The following CYP7A1 variants were observed in gnomAD, a reference collection of about 807,000 sequenced individuals.
CYP7A1 encodes the protein cytochrome P450 family 7 subfamily A member 1, also known as cytochrome P450 7A1.
A neutral mutation model predicts 43.8 loss-of-function variants in CYP7A1; 28 were observed. That is an observed-to-expected ratio of 0.64 (90% confidence interval 0.47 to 0.88). The LOEUF (loss-of-function observed/expected upper bound fraction) is 0.88, where lower values mean the gene tolerates loss of function less well. Among genes scored for constraint, CYP7A1 ranks in the 40% least tolerant of loss-of-function variants. The pLI, the probability that CYP7A1 is intolerant of heterozygous loss-of-function variation, is 0.00. For synonymous variants in CYP7A1, 227 were observed against 222.5 expected, an observed-to-expected ratio of 1.02 and a Z score of -0.18; for missense variants, 637 against 611.9, an observed-to-expected ratio of 1.04 and a Z score of -0.43.
intron 1 of CYP7A1, 106 bp from the exon 2 acceptor site, chr8:58,498,575 T>C: frequency 1.0e-5 from 12 of 1,183,462 alleles, no homozygotes; most frequent in African/African-American, 1.5e-5. Context: ...TGAAACCCTA[T>C]AGTTTATAGA....
Position 58,492,509 on chromosome 8 carries a change from C to G in CYP7A1, c.1059G>C (p.Ser353=). ...TGAGGGAGGCACTGGAAAGCCTCAG[C>G]GATTCCTTGATTATACTATCTAAAC... ...LPVLDSIIKE[S]LRLSSASLNI... is the part of the protein sequence containing the mutation. Residue 353 remains serine (S), a synonymous_variant, in exon 5 of 6, where the codon TCG becomes TCC. Coordinates refer to ENST00000301645, the MANE Select transcript of CYP7A1 (RefSeq NM_000780.4). 2 of 1,612,830 alleles carry G rather than the reference C, an allele frequency of 1.2e-6. No individual in the cohort carries two copies. The highest frequency in any genetic ancestry group is 1.7e-6 in the Non-Finnish European group (2 of 1,179,358).
At position 58,491,699 on chromosome 8, in the gene CYP7A1, T is replaced by G; in HGVS notation, c.1291A>C (p.Lys431Gln). 6.2e-7 allele frequency: 1 copy of G among 1,613,652 alleles called. No homozygotes were observed. The highest frequency in any genetic ancestry group is 8.5e-7 in the Non-Finnish European group (1 of 1,179,550). ...GATCCAAAGGGCATGTAGTAATACT[T>G]TAACTTGAGTCCATTACAATAGAAG... is the stretch of plus-strand genomic sequence containing the variant. Reference protein sequence around the residue: ...TTFYCNGLKLKYYYMPFGSGA... With the variant: ...TTFYCNGLKLQYYYMPFGSGA... The change falls in exon 6 of 6, where the codon AAG (lysine) becomes CAG (glutamine). Residue 431 changes from lysine (K) to glutamine (Q), a missense_variant. Coordinates refer to ENST00000301645, the MANE Select transcript of CYP7A1 (RefSeq NM_000780.4).
Position 58,497,004 on chromosome 8 carries a change from C to T in CYP7A1, c.508G>A (p.Gly170Arg). Residue 170 changes from glycine to arginine, a missense_variant, in exon 3 of 6, where the codon GGG becomes AGG. Gly to Arg is a moderately radical substitution (Grantham distance 125). Transcript: ENST00000301645. ...NSKTAAWVTEGMYSFCYRVMF... is the reference protein window; with the variant it reads ...NSKTAAWVTERMYSFCYRVMF... Reference sequence around the variant, plus strand: ...ACTCGGTAGCAGAAAGAATACATCCCTTCTGTCACCCAGGCAGCGGTCTTT... The same window carrying T: ...ACTCGGTAGCAGAAAGAATACATCCTTTCTGTCACCCAGGCAGCGGTCTTT... 1 of 1,613,462 alleles carries T rather than the reference C, an allele frequency of 6.2e-7. No individual in the cohort carries two copies. Among genetic ancestry groups the T allele is most frequent in the South Asian group, 1.1e-5 (1 of 91,078 alleles).
chr8:58,492,359 G>T lies in CYP7A1; in HGVS notation c.1209C>A (p.Asp403Glu). Reference protein sequence around the residue: ...LMHLDPEIYPDPLTFKYDRYL... With the variant: ...LMHLDPEIYPEPLTFKYDRYL... ...TCAATGGGCAGGCACTTACCAAAGG[G>T]TCTGGGTAGATTTCTGGATCTAAGT... The change falls in exon 5 of 6, where the codon GAC becomes GAA. Residue 403 changes from aspartate to glutamate, a missense_variant. By Grantham distance (45) the Asp-to-Glu change is conservative (BLOSUM62 2). Coordinates refer to ENST00000301645, the MANE Select transcript of CYP7A1 (RefSeq NM_000780.4). The T allele has an allele frequency of 1.2e-6, 2 of 1,613,202 alleles. No homozygotes were observed. The highest frequency in any genetic ancestry group is 1.7e-6 in the Non-Finnish European group (2 of 1,179,214).
At position 58,491,764 on chromosome 8, in the gene CYP7A1, T is replaced by C; in HGVS notation, c.1226A>G (p.Tyr409Cys). Residue 409 changes from tyrosine (Y) to cysteine (C), a missense_variant, in exon 6 of 6, where the codon TAT (tyrosine) becomes TGT (cysteine). Coordinates refer to ENST00000301645, the MANE Select transcript of CYP7A1 (RefSeq NM_000780.4). ...EIYPDPLTFK[Y>C]DRYLDENGKT... ...CCCGTTTTCATCAAGATACCTATCA[T>C]ATTTAAAAGTCTGCAATAAAAATAC... The C allele has an allele frequency of 6.2e-7, 1 of 1,613,232 alleles. No individual in the cohort carries two copies.
Position 58,496,884 on chromosome 8 carries a change from T to G in CYP7A1, c.628A>C (p.Lys210Gln). ...AHILNNLDNFKQFDKVFPALV... is the reference protein window; with the variant it reads ...AHILNNLDNFQQFDKVFPALV... Reference sequence around the variant, plus strand: ...GCTGGAAAGACTTTGTCGAATTGCTTGAAGTTGTCAAGATTGTTTAGAATA... The same window carrying G: ...GCTGGAAAGACTTTGTCGAATTGCTGGAAGTTGTCAAGATTGTTTAGAATA... Residue 210 changes from lysine to glutamine, a missense_variant, in exon 3 of 6, where the codon AAG (lysine) becomes CAG (glutamine). Coordinates refer to ENST00000301645, the MANE Select transcript of CYP7A1 (RefSeq NM_000780.4). 6.2e-7 allele frequency: 1 copy of G among 1,614,234 alleles called. No homozygotes were observed. The highest frequency in any genetic ancestry group is 2.2e-5 in the East Asian group (1 of 44,888).
At chr8:58,496,578 A>ATGCATGTTTCTACT (rs1434107714) in intron 3 of CYP7A1, 26 bp downstream of exon 3, 1 of 1,578,272 alleles carries the variant, frequency 6.3e-7, no homozygotes, top group Non-Finnish European at 8.7e-7. Flanking sequence ...AAAATAAAAA[A>ATGCATGTTTCTACT]AAGAAATGGA....
In CYP7A1 at chr8:58,491,530, C is replaced by T. The variant is rs1563482013; in HGVS notation, c.1460G>A (p.Gly487Asp). The change falls in exon 6 of 6, where the codon GGC (glycine) becomes GAC (aspartate). Residue 487 changes from glycine (G) to aspartate (D), a missense_variant. Physicochemically the swap from Gly to Asp is moderately conservative, Grantham distance 94. Coordinates refer to ENST00000301645, the MANE Select transcript of CYP7A1 (RefSeq NM_000780.4). ...AATATCATTCAATGGCGGCAAAATG[C>T]CCAAGCCTGCCCGGGACTGGTCCAA... ...PPLDQSRAGL[G>D]ILPPLNDIEF... is the part of the protein sequence containing the mutation. 1 of 1,614,112 alleles carries T rather than the reference C, an allele frequency of 6.2e-7. No individual in the cohort carries two copies. The highest frequency in any genetic ancestry group is 1.1e-5 in the South Asian group (1 of 91,078).
Position 58,498,439 on chromosome 8 carries a change from T to C in CYP7A1, c.111A>G (p.Gly37=). The C allele has an allele frequency of 6.2e-7, 1 of 1,614,090 alleles. No individual in the cohort carries two copies. Among genetic ancestry groups the C allele is most frequent in the Non-Finnish European group, 8.5e-7 (1 of 1,179,986 alleles). ...RQTGEPPLEN[G]LIPYLGCALQ... is the part of the protein sequence containing the mutation. Reference sequence around the variant, plus strand: ...GAGCACAGCCCAGGTATGGAATTAATCCATTCTCTAGAGGTGGTTCACCCG... The same window carrying C: ...GAGCACAGCCCAGGTATGGAATTAACCCATTCTCTAGAGGTGGTTCACCCG... The change falls in exon 2 of 6, where the codon GGA becomes GGG. Residue 37 remains glycine, a synonymous_variant. Transcript: ENST00000301645.
At chr8:58,494,392 T>C in intron 4 of CYP7A1, 114 bp downstream of exon 4, 2 of 1,139,158 alleles carry the variant, frequency 1.8e-6, no homozygotes, top group East Asian at 2.4e-5. Context: ...AGAAAACTCA[T>C]ATGAAATATT....
At position 58,490,318 on chromosome 8, in the gene CYP7A1, G is replaced by T. The variant is rs558334185; in HGVS notation, c.*1157C>A. On this transcript the variant is annotated 3_prime_UTR_variant, in exon 6 of 6. Transcript: ENST00000301645. Reference sequence around the variant, plus strand: ...CTACACAGAAATATCAATTGACATAGAGCTGATAACTCATACTTAAAATAT... The same window carrying T: ...CTACACAGAAATATCAATTGACATATAGCTGATAACTCATACTTAAAATAT... 6.6e-6 allele frequency: 1 copy of T among 152,074 alleles called. No homozygotes were observed. The highest frequency in any genetic ancestry group is 2.4e-5 in the African/African-American group (1 of 41,466). 9.4% of individuals were successfully genotyped at this position (152,074 alleles called of 1,614,324 possible).
chr8:58,491,660 A>G lies in CYP7A1; in HGVS notation c.1330T>C (p.Cys444Arg), dbSNP rs1216751891. 1.9e-6 allele frequency: 3 copies of G among 1,614,104 alleles called. No individual in the cohort carries two copies. Among genetic ancestry groups the G allele is most frequent in the African/African-American group, 1.3e-5 (1 of 74,946 alleles). ...TGGATAGCGAACAATCTTCCAGGAC[A>G]TATTGTAGCTCCCGATCCAAAGGGC... is the stretch of plus-strand genomic sequence containing the variant. Reference protein sequence around the residue: ...YMPFGSGATICPGRLFAIHEI... With the variant: ...YMPFGSGATIRPGRLFAIHEI... The change falls in exon 6 of 6, where the codon TGT (cysteine) becomes CGT (arginine). Residue 444 changes from cysteine (C) to arginine (R), a missense_variant. Cys to Arg is a radical substitution (Grantham distance 180). Coordinates refer to ENST00000301645, the MANE Select transcript of CYP7A1 (RefSeq NM_000780.4).
intron 1 of CYP7A1, among the ~76,000 whole-genome samples, chr8:58,499,453 C>T (rs1005419455): frequency 2.6e-5 from 4 of 152,136 alleles, no homozygotes; most frequent in African/African-American, 7.2e-5. Flanking sequence ...TAAATGAAAT[C>T]GATGTCACAT....
At chr8:58,499,905 G>A in intron 1 of CYP7A1, 114 bp downstream of exon 1, 2 of 728,830 alleles carry the variant, frequency 2.7e-6, no homozygotes, top group South Asian at 1.6e-5. Flanking sequence ...AAAAAATAAG[G>A]AAGATAATGC....
At chr8:58,499,378 T>A (rs1453948573) in intron 1 of CYP7A1, among the ~76,000 whole-genome samples, 1 of 152,202 alleles carries the variant, frequency 6.6e-6, no homozygotes, top group South Asian at 2.1e-4. Context: ...AATTAGAAGT[T>A]AAATAAACTA....
intron 5 of CYP7A1, 31 bp from the exon 6 acceptor site, chr8:58,491,805 T>G (rs1294113919): frequency 6.3e-7 from 1 of 1,584,474 alleles, no homozygotes; most frequent in Non-Finnish European, 8.7e-7. Flanking sequence ...AAACCGCCTT[T>G]AAGCTAGTTT....
rs375604247 is a variant in CYP7A1 at position 58,499,990 on chromosome 8, G to C, written c.80+29C>G. 28 of 1,572,526 alleles carry C rather than the reference G, an allele frequency of 1.8e-5. No homozygotes were observed. In the African/African-American group the frequency reaches 3.5e-4, roughly 20 times the overall value. On this transcript the variant is annotated intron_variant, in intron 1 of 5. Coordinates refer to ENST00000301645, the MANE Select transcript of CYP7A1 (RefSeq NM_000780.4). ...AAAAAAATTAAATGGATGAATCAAA[G>C]AGCAATTTAAAGATAAAACATTACT...
intron 4 of CYP7A1, 78 bp from the exon 5 acceptor site, chr8:58,492,606 T>C: frequency 2.5e-6 from 3 of 1,220,248 alleles, no homozygotes; most frequent in Non-Finnish European, 3.6e-6. Context: ...ACCAAGTGTT[T>C]GAAGGTCATA....
chr8:58,499,067 A>T (rs990231564), intron 1 of CYP7A1, among the ~76,000 whole-genome samples: 6 of 152,232 alleles, frequency 3.9e-5, no homozygotes, highest in Non-Finnish European at 7.3e-5. Flanking sequence ...TGACGGAATC[A>T]TCTATTGTAA....
Sources: allele counts gnomAD v4.1 joint callset (sites outside exome capture counted in the v4.1 genomes callset), GRCh38; gene constraint gnomAD v4.1.1; transcripts MANE v1.5; gene names NCBI Gene and HGNC (gene_info 2026-07-23, HGNC 2026-07-21).